CDH4: variants seen among roughly 807,000 people sequenced by gnomAD.
CDH4 encodes cadherin-4.
CDH4 carries 33 observed loss-of-function variants against 86.0 expected under a neutral mutation model. That is an observed-to-expected ratio of 0.38 (90% CI 0.29 to 0.51). CDH4 has a LOEUF of 0.51. Ranked by LOEUF, CDH4 falls within the 20% of genes least tolerant of loss-of-function variation. The pLI is 0.86. For synonymous variants in CDH4, 555 were observed against 549.4 expected, an observed-to-expected ratio of 1.01 and a Z score of -0.14; for missense variants, 1,114 against 1,307.4, an observed-to-expected ratio of 0.85 and a Z score of 2.28.
chr20:61,655,565 AGC>A (rs1369449617), intron 2 of CDH4, among the ~76,000 whole-genome samples: 4 of 152,208 alleles, frequency 2.6e-5, no homozygotes, highest in Non-Finnish European at 4.4e-5. Flanking sequence ...GCTGGGCCCT[AGC>A]TTCAGGAAGG....
chr20:61,727,851 A>G (rs1411809156), intron 2 of CDH4, among the ~76,000 whole-genome samples: 2 of 152,210 alleles, frequency 1.3e-5, no homozygotes, highest in African/African-American at 4.8e-5. Context: ...CCCAGCCACA[A>G]GGCCCACCTC....
chr20:61,375,898 GTTGATGGTAGTGTGATGGT>G (rs2084867125), intron 2 of CDH4, among the ~76,000 whole-genome samples: 3 of 151,014 alleles, frequency 2.0e-5, no homozygotes, highest in Non-Finnish European at 3.0e-5. Context: ...GGTGTGGTTT[GTTGATGGTAGTGTGATGGT>G]CTTGGTGCTG....
intron 2 of CDH4, among the ~76,000 whole-genome samples, chr20:61,568,840 C>T (rs1001230312): frequency 5.9e-5 from 9 of 152,198 alleles, no homozygotes; most frequent in East Asian, 1.9e-4. Context: ...CTGCAGCTCA[C>T]GCACCTGCAT....
At chr20:61,306,905 G>T (rs1480284230) in intron 2 of CDH4, among the ~76,000 whole-genome samples, 1 of 152,126 alleles carries the variant, frequency 6.6e-6, no homozygotes, top group Non-Finnish European at 1.5e-5. Context: ...GCCGTGTTTG[G>T]GGAGCCATCT....
rs547651980 is a variant in CDH4 at position 61,296,540 on chromosome 20, C to A, written c.169+41603C>A. ...ATACCCCCCAAACCCTCCCTCCCCA[C>A]AGAAACGTCCCCACACACAAACAGA... On this transcript the variant is annotated intron_variant, in intron 2 of 15. Coordinates refer to ENST00000614565, the MANE Select transcript of CDH4 (RefSeq NM_001794.5). 5.9e-5 allele frequency among the ~76,000 whole-genome samples: 9 copies of A among 152,156 alleles called. No individual in the cohort carries two copies. In the South Asian group the frequency reaches 1.9e-3, roughly 32 times the overall value.
rs374348724 is a variant in CDH4, at chr20:61,671,877, GTGGA to G, written c.170-71681_170-71678del. ...GGATGGATGAATGGATGGATGGATG[GTGGA>G]TGGACAGATGGAGGATGGATGGATG... On this transcript the variant is annotated intron_variant, in intron 2 of 15. Coordinates refer to ENST00000614565, the MANE Select transcript of CDH4 (RefSeq NM_001794.5). Among the ~76,000 whole-genome samples, 897 of 151,478 alleles carry G rather than the reference GTGGA, an allele frequency of 5.9e-3. 10 individuals are homozygous for G. The highest frequency in any genetic ancestry group is 0.02 in the African/African-American group (817 of 41,254).
chr20:61,841,592 G>A (rs993275259), intron 4 of CDH4, among the ~76,000 whole-genome samples: 1 of 152,180 alleles, frequency 6.6e-6, no homozygotes, highest in Non-Finnish European at 1.5e-5. Flanking sequence ...GCCCAGACCC[G>A]CCCTTCCCTA....
At chr20:61,920,031 G>A (rs371067911) in intron 9 of CDH4, among the ~76,000 whole-genome samples, 6 of 129,068 alleles carry the variant, frequency 4.6e-5, no homozygotes, top group Non-Finnish European at 8.0e-5. Flanking sequence ...GAAGCGTGTC[G>A]TGATTGTGTG....
At chr20:61,617,172 T>TGG (rs1266696303) in intron 2 of CDH4, among the ~76,000 whole-genome samples, 1 of 152,206 alleles carries the variant, frequency 6.6e-6, no homozygotes, top group Non-Finnish European at 1.5e-5. Context: ...CTGCCTGCTT[T>TGG]GTTCTTTCAG....
chr20:61,362,174 A>C (rs1410696807), intron 2 of CDH4, among the ~76,000 whole-genome samples: 1 of 152,158 alleles, frequency 6.6e-6, no homozygotes, highest in Non-Finnish European at 1.5e-5. Context: ...GGAAGAAGAA[A>C]GGTCCAGGTG....
chr20:61,559,840 T>C (rs1160523831), intron 2 of CDH4, among the ~76,000 whole-genome samples: 1 of 152,160 alleles, frequency 6.6e-6, no homozygotes, highest in Non-Finnish European at 1.5e-5. Flanking sequence ...TCTCCCTGCA[T>C]GTCCCAGCTG....
At chr20:61,737,006 G>A (rs1307597179) in intron 2 of CDH4, among the ~76,000 whole-genome samples, 3 of 152,204 alleles carry the variant, frequency 2.0e-5, no homozygotes, top group Admixed American at 6.5e-5. Flanking sequence ...AGGTGCAGGG[G>A]CTCGCCCTGG....
chr20:61,577,145 G>A (rs886071794), intron 2 of CDH4, among the ~76,000 whole-genome samples: 2 of 152,154 alleles, frequency 1.3e-5, no homozygotes, highest in Admixed American at 1.3e-4. Flanking sequence ...GTTGAAGGAT[G>A]AGTGGATGTT....
At chr20:61,697,737 G>A (rs879402970) in intron 2 of CDH4, among the ~76,000 whole-genome samples, 5 of 152,186 alleles carry the variant, frequency 3.3e-5, no homozygotes, top group East Asian at 1.9e-4. Flanking sequence ...GTATCTCCCC[G>A]GAGGGACGTC....
intron 2 of CDH4, among the ~76,000 whole-genome samples, chr20:61,349,482 G>A (rs1415318417): frequency 6.6e-6 from 1 of 152,270 alleles, no homozygotes; most frequent in Non-Finnish European, 1.5e-5. Context: ...CAAAGTCAGT[G>A]AGGGAAAATC....
Position 61,387,612 on chromosome 20 carries a change from A to C in CDH4, c.169+132675A>C, listed in dbSNP as rs928086826. On this transcript the variant is annotated intron_variant, in intron 2 of 15. Transcript: ENST00000614565. The stretch of plus-strand genomic sequence containing the variant: ...CACATTTGGCCACACAAACACACAC[A>C]GACAAAAAGATACACACAGACACAC... Among the ~76,000 whole-genome samples the C allele has an allele frequency of 6.6e-5, 10 of 152,238 alleles. 1 individual carries two copies. Among genetic ancestry groups the C allele is most frequent in the African/African-American group, 1.9e-4 (8 of 41,454 alleles).
At chr20:61,461,954 T>C (rs1039968226) in intron 2 of CDH4, among the ~76,000 whole-genome samples, 12 of 152,022 alleles carry the variant, frequency 7.9e-5, no homozygotes, top group African/African-American at 2.9e-4. Flanking sequence ...AAAGATGGAG[T>C]TGACAAAAGG....
intron 2 of CDH4, among the ~76,000 whole-genome samples, chr20:61,528,802 C>T (rs1030808596): frequency 2.6e-5 from 4 of 151,516 alleles, no homozygotes; most frequent in African/African-American, 9.7e-5. Context: ...GGCCTGGCTG[C>T]TCTCCCGTGT....
In CDH4 at chr20:61,499,385, G is replaced by A. The variant is rs113321631; in HGVS notation, c.170-244178G>A. 862 of 1,175,436 alleles carry A rather than the reference G, an allele frequency of 7.3e-4. 4 individuals carry two copies. The African/African-American group carries it at 0.011, about 15-fold the overall frequency. The allele number at this position is 1,175,436 out of a possible 1,614,324, so 72.8% of individuals were successfully genotyped here. A position where few individuals can be genotyped will look rare whatever the true frequency, so the allele number is the denominator to read the frequency against. On this transcript the variant is annotated intron_variant, in intron 2 of 15. Transcript: ENST00000614565. ...GTGCCTCTTGCTCTGCCCTGTTAAA[G>A]GTTATGCGGGACTGGGGTGCAGGTG...
Sources: allele counts gnomAD v4.1 joint callset (sites outside exome capture counted in the v4.1 genomes callset), GRCh38; gene constraint gnomAD v4.1.1; transcripts MANE v1.5; gene names NCBI Gene and HGNC (gene_info 2026-07-23, HGNC 2026-07-21).